Variants in NEGR1 observed in about 807,000 individuals in gnomAD.
The protein encoded by NEGR1 is neuronal growth regulator 1, also known as IgLON family member 4.
NEGR1 carries 10 observed loss-of-function variants against 40.9 expected under a neutral mutation model. The ratio of observed to expected loss-of-function variants is 0.24; its 90% CI spans 0.15 to 0.42. The LOEUF (loss-of-function observed/expected upper bound fraction) is 0.42, where lower values mean the gene tolerates loss of function less well. Among genes scored for constraint, NEGR1 ranks in the 10% least tolerant of loss-of-function variants. The probability of loss-of-function intolerance (pLI) is 1.00; values close to 1 mark genes in which losing one functional copy is unlikely to be tolerated. For synonymous variants in NEGR1, 185 were observed against 166.8 expected (o/e 1.11, Z -0.84); for missense variants, 352 against 438.9 (o/e 0.80, Z 1.77).
In NEGR1 at chr1:71,435,040, G is replaced by A. The variant is rs549840665; in HGVS notation, c.941-27470C>T. On this transcript the variant is annotated intron_variant, in intron 6 of 6. Transcript: ENST00000357731. Reference sequence around the variant, plus strand: ...TGGGAGGCAGAGCTTGCAGTGAGCCGAGATTGCGCCAATGCACTCCAGCCT... The same window carrying A: ...TGGGAGGCAGAGCTTGCAGTGAGCCAAGATTGCGCCAATGCACTCCAGCCT... 7.8e-4 allele frequency among the ~76,000 whole-genome samples: 118 copies of A among 151,834 alleles called. No individual in the cohort carries two copies. In the South Asian group the frequency reaches 0.022, roughly 29 times the overall value.
chr1:71,464,974 C>T (rs1396809899), intron 6 of NEGR1, among the ~76,000 whole-genome samples: 1 of 152,042 alleles, frequency 6.6e-6, no homozygotes, highest in African/African-American at 2.4e-5. Flanking sequence ...TCTTCAGAAA[C>T]GTATTAAAGA....
chr1:71,709,203 C>A (rs1255573639), intron 3 of NEGR1, among the ~76,000 whole-genome samples: 1 of 152,152 alleles, frequency 6.6e-6, no homozygotes, highest in African/African-American at 2.4e-5. Flanking sequence ...CTAATTTACA[C>A]TCCCAGGAAG....
At chr1:71,465,834 A>T (rs184754651) in intron 6 of NEGR1, among the ~76,000 whole-genome samples, 104 of 152,192 alleles carry the variant, frequency 6.8e-4, no homozygotes, top group African/African-American at 2.3e-3. Context: ...TTAGAGTAGA[A>T]AAAAGGAGAA....
chr1:71,679,619 G>A (rs1051892328), intron 4 of NEGR1, among the ~76,000 whole-genome samples: 6 of 151,902 alleles, frequency 3.9e-5, no homozygotes, highest in South Asian at 2.1e-4. Context: ...ACATAAATCA[G>A]CCACACATAG....
intron 2 of NEGR1, among the ~76,000 whole-genome samples, chr1:71,836,408 G>T (rs976287280): frequency 6.7e-6 from 1 of 149,864 alleles, no homozygotes; most frequent in Non-Finnish European, 1.5e-5. Flanking sequence ...CAGCCTGGGC[G>T]AGAGAGCAAG....
At chr1:71,662,553 AAAAAGAGTATT>A (rs1255754815) in intron 4 of NEGR1, among the ~76,000 whole-genome samples, 1 of 152,150 alleles carries the variant, frequency 6.6e-6, no homozygotes, top group African/African-American at 2.4e-5. Context: ...TTTTCGCCTG[AAAAAGAGTATT>A]ATTAATAATG....
At chr1:71,493,000 A>G (rs147054500) in intron 6 of NEGR1, among the ~76,000 whole-genome samples, 58 of 152,206 alleles carry the variant, frequency 3.8e-4, no homozygotes, top group African/African-American at 1.3e-3. Context: ...CAGTTAGCTT[A>G]GTCACTCAGG....
chr1:72,023,450 A>G (rs892446831), intron 1 of NEGR1, among the ~76,000 whole-genome samples: 1 of 152,022 alleles, frequency 6.6e-6, no homozygotes, highest in Admixed American at 6.6e-5. Context: ...GGAATTTTAA[A>G]AAGGCTTAGT....
chr1:71,735,292 T>G (rs1230780373), intron 3 of NEGR1, among the ~76,000 whole-genome samples: 3 of 152,094 alleles, frequency 2.0e-5, no homozygotes, highest in Non-Finnish European at 4.4e-5. Context: ...TATCCCAAAC[T>G]TTGCTTGAGT....
intron 3 of NEGR1, among the ~76,000 whole-genome samples, chr1:71,716,328 C>T (rs1037129240): frequency 5.3e-5 from 8 of 151,984 alleles, no homozygotes; most frequent in African/African-American, 1.9e-4. Context: ...ACCATATCAC[C>T]TATCTTCTAG....
intron 1 of NEGR1, among the ~76,000 whole-genome samples, chr1:71,981,443 G>A (rs933853393): frequency 6.6e-6 from 1 of 152,140 alleles, no homozygotes; most frequent in African/African-American, 2.4e-5. Flanking sequence ...TCCAACACTT[G>A]AAGGAACTTG....
intron 6 of NEGR1, among the ~76,000 whole-genome samples, chr1:71,414,283 T>A (rs940797655): frequency 6.6e-6 from 1 of 151,942 alleles, no homozygotes; most frequent in Non-Finnish European, 1.5e-5. Flanking sequence ...GTGGGAGGAG[T>A]TTGCTCAAAA....
intron 1 of NEGR1, among the ~76,000 whole-genome samples, chr1:72,176,618 G>A (rs1009381043): frequency 1.3e-5 from 2 of 151,864 alleles, no homozygotes; most frequent in African/African-American, 4.8e-5. Flanking sequence ...AGGAGACTTG[G>A]ATAATGAAAG....
intron 2 of NEGR1, among the ~76,000 whole-genome samples, chr1:71,833,013 T>C (rs372639343): frequency 1.3e-5 from 2 of 152,012 alleles, no homozygotes; most frequent in African/African-American, 2.4e-5. Context: ...CACTGATACA[T>C]AGAAAGAAAA....
chr1:72,023,832 T>C (rs899639478), intron 1 of NEGR1, among the ~76,000 whole-genome samples: 1 of 152,060 alleles, frequency 6.6e-6, no homozygotes, highest in African/African-American at 2.4e-5. Flanking sequence ...TAAATGTCAT[T>C]ATATTTTATT....
intron 6 of NEGR1, among the ~76,000 whole-genome samples, chr1:71,426,618 A>T (rs1646430219): frequency 1.3e-5 from 2 of 152,312 alleles, no homozygotes; most frequent in South Asian, 4.1e-4. Flanking sequence ...AAATTATGTA[A>T]ATCTGATTTC....
intron 2 of NEGR1, among the ~76,000 whole-genome samples, chr1:71,883,141 A>C (rs1256894784): frequency 6.6e-6 from 1 of 152,144 alleles, no homozygotes; most frequent in Non-Finnish European, 1.5e-5. Flanking sequence ...AACGATTGTA[A>C]ATTATACACA....
intron 6 of NEGR1, among the ~76,000 whole-genome samples, chr1:71,510,225 A>T (rs1460422372): frequency 6.6e-6 from 1 of 152,238 alleles, no homozygotes; most frequent in Non-Finnish European, 1.5e-5. Flanking sequence ...ACAGAGATTA[A>T]TTAAAACAGC....
chr1:71,657,642 C>G (rs916551273), intron 4 of NEGR1, among the ~76,000 whole-genome samples: 4 of 152,076 alleles, frequency 2.6e-5, no homozygotes, highest in Non-Finnish European at 4.4e-5. Flanking sequence ...GCAGCAGATG[C>G]CAACAAGTAG....
Sources: allele counts gnomAD v4.1 joint callset (sites outside exome capture counted in the v4.1 genomes callset), GRCh38; gene constraint gnomAD v4.1.1; transcripts MANE v1.5; gene names NCBI Gene and HGNC (gene_info 2026-07-23, HGNC 2026-07-21).